NUP210L: variants seen among roughly 807,000 people sequenced by gnomAD.
NUP210L encodes the protein nuclear pore membrane glycoprotein 210-like.
In NUP210L, 74 loss-of-function variants were observed where a neutral mutation model predicts 208.5. The ratio of observed to expected loss-of-function variants is 0.35; its 90% CI spans 0.29 to 0.43. The LOEUF (loss-of-function observed/expected upper bound fraction) is 0.43. Ranked by LOEUF, NUP210L falls within the 20% of genes least tolerant of loss-of-function variation. The pLI is 1.00. For missense variants in NUP210L, 1,843 were observed against 2,289.4 expected (o/e 0.81, Z 3.98); for synonymous variants, 780 against 816.9 (o/e 0.95, Z 0.77).
intron 10 of NUP210L, among the ~76,000 whole-genome samples, chr1:154,120,895 CAAAA>C (rs34261242): frequency 0.041 from 3,361 of 82,304 alleles, 62 homozygotes; most frequent in Non-Finnish European, 0.055. Context: ...GACTCTGTCT[CAAAA>C]AAAAAAAAAA....
intron 30 of NUP210L, among the ~76,000 whole-genome samples, chr1:154,024,836 T>C (rs964265520): frequency 6.6e-5 from 10 of 151,514 alleles, no homozygotes; most frequent in Admixed American, 6.6e-4. Flanking sequence ...CCAGCCAATT[T>C]TGATAGCAAT....
intron 6 of NUP210L, among the ~76,000 whole-genome samples, chr1:154,136,748 A>G (rs1658566589): frequency 2.0e-5 from 3 of 150,830 alleles, no homozygotes; most frequent in African/African-American, 7.3e-5. Context: ...GTGAAACCCC[A>G]TCTCTACTAA....
At chr1:154,146,409 C>T (rs1013925488) in intron 2 of NUP210L, among the ~76,000 whole-genome samples, 9 of 151,966 alleles carry the variant, frequency 5.9e-5, no homozygotes, top group Non-Finnish European at 8.8e-5. Context: ...TGAAGGAAAT[C>T]GCTTAAGCCC....
chr1:154,115,055 T>C (rs1177930240), intron 12 of NUP210L, among the ~76,000 whole-genome samples: 1 of 152,214 alleles, frequency 6.6e-6, no homozygotes, highest in African/African-American at 2.4e-5. Flanking sequence ...CTCAATACCA[T>C]CTCACTAGTT....
intron 29 of NUP210L, among the ~76,000 whole-genome samples, chr1:154,027,092 AAAAACAAAAAAAAAAAAAC>A (rs1446154068): frequency 5.6e-5 from 8 of 143,548 alleles, no homozygotes; most frequent in African/African-American, 1.3e-4. Context: ...AAAAAAAAAA[AAAAACAAAAAAAAAAAAAC>A]AAAAAACACA....
At chr1:154,017,073 T>C (rs935418013) in intron 33 of NUP210L, among the ~76,000 whole-genome samples, 2 of 151,554 alleles carry the variant, frequency 1.3e-5, no homozygotes, top group Non-Finnish European at 2.9e-5. Flanking sequence ...ATGAGGCCAG[T>C]AGTTCGAGAC....
intron 24 of NUP210L, 27 bp from the exon 25 acceptor site, chr1:154,054,434 C>T (rs371477510): frequency 6.2e-7 from 1 of 1,607,124 alleles, no homozygotes; most frequent in African/African-American, 1.3e-5. Context: ...CCATTGAATG[C>T]CTAGAACATG....
intron 27 of NUP210L, among the ~76,000 whole-genome samples, chr1:154,038,702 C>A (rs1652698579): frequency 6.6e-6 from 1 of 152,072 alleles, no homozygotes; most frequent in Non-Finnish European, 1.5e-5. Context: ...CTCAAGCAAT[C>A]CACCTGCCTC....
exon 11 of NUP210L, chr1:154,118,696 C>T: frequency 1.2e-6 from 2 of 1,603,924 alleles, no homozygotes; most frequent in South Asian, 1.1e-5. Context: ...ATATAACATT[C>T]CCATAGGATG....
At chr1:154,152,183 T>C (rs1659427173) in intron 2 of NUP210L, among the ~76,000 whole-genome samples, 1 of 112,820 alleles carries the variant, frequency 8.9e-6, no homozygotes, top group Admixed American at 9.9e-5. Context: ...TTTTATTTTG[T>C]TTTATTGAGA....
intron 10 of NUP210L, among the ~76,000 whole-genome samples, chr1:154,123,756 T>A (rs1369610898): frequency 1.3e-5 from 2 of 151,808 alleles, no homozygotes; most frequent in Non-Finnish European, 2.9e-5. Context: ...CATGATCCTG[T>A]ATTCCCAGCT....
At chr1:154,110,222 CA>C (rs1452724509) in intron 12 of NUP210L, among the ~76,000 whole-genome samples, 1 of 145,974 alleles carries the variant, frequency 6.9e-6, no homozygotes, top group Non-Finnish European at 1.5e-5. Context: ...GAAACAAGAG[CA>C]AAACTCTGTC....
Position 154,011,158 on chromosome 1 carries a change from A to G in NUP210L, c.4781-1037T>C, listed in dbSNP as rs73010775. Among the ~76,000 whole-genome samples the G allele has an allele frequency of 4.7e-3, 720 of 152,026 alleles. 11 individuals are homozygous for G. The highest frequency in any genetic ancestry group is 0.016 in the African/African-American group (658 of 41,488). ...ATGCATGAGGTTTCTCAATAAAATA[A>G]GTAGTGATTTTAGAAAGATTCTGGG... On this transcript the variant is annotated intron_variant, in intron 34 of 39. Coordinates refer to ENST00000368559, the Ensembl canonical transcript of NUP210L.
At chr1:154,031,754 T>C (rs1557927881) in intron 27 of NUP210L, among the ~76,000 whole-genome samples, 1 of 151,830 alleles carries the variant, frequency 6.6e-6, no homozygotes, top group Non-Finnish European at 1.5e-5. Flanking sequence ...GGTTTCGTTC[T>C]GTTGCCCAGG....
chr1:154,045,807 A>C (rs1006769565), intron 27 of NUP210L, among the ~76,000 whole-genome samples: 8 of 151,836 alleles, frequency 5.3e-5, no homozygotes, highest in Non-Finnish European at 1.5e-5. Context: ...CAAGGCAAAA[A>C]CCCCATCTCA....
intron 16 of NUP210L, among the ~76,000 whole-genome samples, chr1:154,081,901 TA>T (rs1252269800): frequency 1.3e-5 from 2 of 152,036 alleles, no homozygotes; most frequent in Admixed American, 6.6e-5. Context: ...GAGGATCACT[TA>T]AGCCCAGGAA....
intron 12 of NUP210L, among the ~76,000 whole-genome samples, chr1:154,108,712 A>T (rs1656896581): frequency 1.3e-5 from 2 of 151,714 alleles, no homozygotes; most frequent in African/African-American, 2.4e-5. Context: ...AAAACAAATT[A>T]AAAATGGCAG....
chr1:154,069,927 C>T (rs1240440708), intron 17 of NUP210L, among the ~76,000 whole-genome samples: 2 of 152,148 alleles, frequency 1.3e-5, no homozygotes, highest in Admixed American at 6.6e-5. Context: ...TTGAAACCAT[C>T]ATTCTGAGCA....
At position 154,076,264 on chromosome 1, in the gene NUP210L, C is replaced by T. The variant is rs551397873; in HGVS notation, c.2362-5799G>A. Among the ~76,000 whole-genome samples, 18 of 151,804 alleles carry T rather than the reference C, an allele frequency of 1.2e-4. No homozygotes were observed. In the South Asian group the frequency reaches 2.1e-3, roughly 18 times the overall value. On this transcript the variant is annotated intron_variant, in intron 16 of 39. Transcript: ENST00000368559. ...GACTACAGGCGTGTGCCACCACGCC[C>T]GGCTAATTTTTGTATTTTTAGTAGA...
Sources: allele counts gnomAD v4.1 joint callset (sites outside exome capture counted in the v4.1 genomes callset), GRCh38; gene constraint gnomAD v4.1.1; transcripts MANE v1.5; gene names NCBI Gene and HGNC (gene_info 2026-07-23, HGNC 2026-07-21).